The following THSD7B variants were observed in gnomAD, a reference collection of about 807,000 sequenced individuals.
THSD7B encodes thrombospondin type-1 domain-containing protein 7B.
THSD7B carries 138 observed loss-of-function variants against 213.6 expected under a neutral mutation model. The observed-to-expected ratio is 0.65, with a 90% CI of 0.56 to 0.74. The LOEUF (loss-of-function observed/expected upper bound fraction) is 0.74, where lower values mean the gene tolerates loss of function less well. Ranked by LOEUF, THSD7B falls within the 30% of genes least tolerant of loss-of-function variation. The pLI, the probability that THSD7B is intolerant of heterozygous loss-of-function variation, is 0.00. For synonymous variants in THSD7B, 742 were observed against 687.0 expected, an observed-to-expected ratio of 1.08 and a Z score of -1.25; for missense variants, 1,931 against 1,991.5, an observed-to-expected ratio of 0.97 and a Z score of 0.58.
chr2:137,166,613 C>G (rs1195723394), intron 6 of THSD7B, among the ~76,000 whole-genome samples: 2 of 152,142 alleles, frequency 1.3e-5, no homozygotes, highest in Non-Finnish European at 2.9e-5. Flanking sequence ...TACTTTGAAA[C>G]TGAGAAGCCA....
chr2:136,823,192 G>T (rs545850965), intron 1 of THSD7B, among the ~76,000 whole-genome samples: 1 of 152,230 alleles, frequency 6.6e-6, no homozygotes, highest in East Asian at 1.9e-4. Context: ...AAAGATAAAG[G>T]CAAGGAGATG....
chr2:136,879,242 T>C (rs1376788856), intron 1 of THSD7B, among the ~76,000 whole-genome samples: 1 of 152,232 alleles, frequency 6.6e-6, no homozygotes, highest in African/African-American at 2.4e-5. Flanking sequence ...TGTGGCATTA[T>C]TTCTGAGGGC....
At chr2:137,527,703 G>T (rs990689791) in intron 15 of THSD7B, among the ~76,000 whole-genome samples, 11 of 152,010 alleles carry the variant, frequency 7.2e-5, no homozygotes, top group Non-Finnish European at 1.5e-4. Flanking sequence ...TGGCTGCAAA[G>T]TGAACTTAGG....
intron 5 of THSD7B, among the ~76,000 whole-genome samples, chr2:137,127,483 AT>A (rs1264001513): frequency 1.2e-4 from 18 of 152,336 alleles, no homozygotes; most frequent in Admixed American, 9.8e-4. Context: ...TTTTGGTAAA[AT>A]GAAATTAAGT....
chr2:137,096,503 G>A (rs1438905759), intron 4 of THSD7B, among the ~76,000 whole-genome samples: 1 of 152,066 alleles, frequency 6.6e-6, no homozygotes, highest in East Asian at 1.9e-4. Flanking sequence ...TATTCTTATT[G>A]TTAATATTTT....
intron 12 of THSD7B, among the ~76,000 whole-genome samples, chr2:137,307,472 C>T (rs1339520852): frequency 6.6e-6 from 1 of 152,124 alleles, no homozygotes; most frequent in Non-Finnish European, 1.5e-5. Flanking sequence ...CGAATTTCCA[C>T]TTCATCCCTA....
chr2:136,987,768 C>T (rs955918389), intron 2 of THSD7B, among the ~76,000 whole-genome samples: 3 of 152,120 alleles, frequency 2.0e-5, no homozygotes, highest in African/African-American at 7.2e-5. Flanking sequence ...ATATTTTACA[C>T]CTACTCACTT....
chr2:137,163,073 T>C (rs2104986933), intron 6 of THSD7B, among the ~76,000 whole-genome samples: 1 of 152,336 alleles, frequency 6.6e-6, no homozygotes, highest in South Asian at 2.1e-4. Flanking sequence ...GTTTTATTTT[T>C]CCGGATAATT....
intron 22 of THSD7B, among the ~76,000 whole-genome samples, 188 bp downstream of exon 22, chr2:137,655,848 A>G (rs1398115590): frequency 6.6e-6 from 1 of 152,224 alleles, no homozygotes; most frequent in Non-Finnish European, 1.5e-5. Flanking sequence ...GCAAAAGAAA[A>G]AAAAAGGCAC....
At chr2:137,196,282 G>A (rs76220711) in intron 7 of THSD7B, among the ~76,000 whole-genome samples, 28 of 151,936 alleles carry the variant, frequency 1.8e-4, no homozygotes, top group Middle Eastern at 3.4e-3. Flanking sequence ...TGGTCCTTCA[G>A]CTGCTTCTGA....
At chr2:136,966,749 C>T (rs1322216610) in intron 2 of THSD7B, among the ~76,000 whole-genome samples, 1 of 152,072 alleles carries the variant, frequency 6.6e-6, no homozygotes, top group Non-Finnish European at 1.5e-5. Context: ...CTTATTCTGC[C>T]CAGAGTACCC....
At chr2:137,675,102 A>T (rs1011717602) in intron 27 of THSD7B, among the ~76,000 whole-genome samples, 3 of 152,178 alleles carry the variant, frequency 2.0e-5, no homozygotes, top group African/African-American at 7.2e-5. Context: ...ATACAGCATG[A>T]TTCCATTTAA....
At chr2:137,217,871 A>C (rs373797965) in intron 7 of THSD7B, among the ~76,000 whole-genome samples, 8 of 152,148 alleles carry the variant, frequency 5.3e-5, no homozygotes, top group Admixed American at 1.3e-4. Context: ...AAGACTTAAG[A>C]CATTATGCAA....
At chr2:137,389,212 A>ATATATATATC (rs1291665860) in intron 12 of THSD7B, among the ~76,000 whole-genome samples, 8 of 145,836 alleles carry the variant, frequency 5.5e-5, no homozygotes, top group Non-Finnish European at 1.2e-4. Context: ...ATATATATAT[A>ATATATATATC]TATATGACAA....
chr2:137,264,694 T>C (rs1682539464), intron 10 of THSD7B, among the ~76,000 whole-genome samples: 1 of 152,182 alleles, frequency 6.6e-6, no homozygotes, highest in African/African-American at 2.4e-5. Context: ...ATAACACATA[T>C]AGAGTAGCTA....
intron 17 of THSD7B, among the ~76,000 whole-genome samples, chr2:137,605,019 G>A (rs1187992501): frequency 6.6e-6 from 1 of 151,822 alleles, no homozygotes; most frequent in Non-Finnish European, 1.5e-5. Flanking sequence ...AAGTCCTTTG[G>A]GTATTTTGAC....
At chr2:136,845,727 G>A (rs1379611641) in intron 1 of THSD7B, among the ~76,000 whole-genome samples, 1 of 152,160 alleles carries the variant, frequency 6.6e-6, no homozygotes. Flanking sequence ...AGGAGTGGCG[G>A]TAGTATACTA....
At chr2:137,527,442 T>C (rs78817424) in intron 15 of THSD7B, among the ~76,000 whole-genome samples, 3,556 of 152,234 alleles carry the variant, frequency 0.023, 102 homozygotes, top group Admixed American at 0.077. Flanking sequence ...ATGAGTATAA[T>C]TGATTCTGTC....
intron 14 of THSD7B, among the ~76,000 whole-genome samples, chr2:137,429,705 A>C (rs1299850367): frequency 1.3e-5 from 2 of 152,194 alleles, no homozygotes; most frequent in African/African-American, 4.8e-5. Flanking sequence ...TTGAAGAATG[A>C]GAGTGCATTG....
Sources: allele counts gnomAD v4.1 joint callset (sites outside exome capture counted in the v4.1 genomes callset), GRCh38; gene constraint gnomAD v4.1.1; transcripts MANE v1.5; gene names NCBI Gene and HGNC (gene_info 2026-07-23, HGNC 2026-07-21).